Variants in ATRIP observed in about 807,000 individuals in gnomAD.
The protein encoded by ATRIP is ATR-interacting protein.
A neutral mutation model predicts 78.1 loss-of-function variants in ATRIP; 44 were observed. The ratio of observed to expected loss-of-function variants is 0.56; its 90% CI spans 0.44 to 0.72. The LOEUF (loss-of-function observed/expected upper bound fraction) is 0.72. Among genes scored for constraint, ATRIP ranks in the 30% least tolerant of loss-of-function variants. ATRIP has a pLI of 0.00. For synonymous variants in ATRIP, 388 were observed against 408.9 expected (o/e 0.95, Z 0.62); for missense variants, 927 against 980.2 (o/e 0.95, Z 0.72).
At chr3:48,449,437 AG>A (rs2039775959) in intron 1 of ATRIP, among the ~76,000 whole-genome samples, 1 of 149,190 alleles carries the variant, frequency 6.7e-6, no homozygotes, top group Non-Finnish European at 1.5e-5. Flanking sequence ...AAAAAAAAGA[AG>A]GATCATTTAT....
intron 11 of ATRIP, 68 bp from the exon 12 acceptor site, chr3:48,464,763 G>A: frequency 6.2e-7 from 1 of 1,603,116 alleles, no homozygotes; most frequent in Non-Finnish European, 8.5e-7. Flanking sequence ...AGGTGGCTAG[G>A]CTGAGCGGAT....
At chr3:48,455,952 C>G (rs1394340463) in intron 4 of ATRIP, among the ~76,000 whole-genome samples, 1 of 151,980 alleles carries the variant, frequency 6.6e-6, no homozygotes, top group East Asian at 2.0e-4. Flanking sequence ...GAAACCCTGT[C>G]TCTACTGAAA....
chr3:48,447,010 C>CA lies in ATRIP; in HGVS notation c.166dup (p.Thr56AsnfsTer9). On this transcript the variant is annotated frameshift_variant, in exon 1 of 13. Coordinates refer to ENST00000320211, the MANE Select transcript of ATRIP (RefSeq NM_130384.3). LOFTEE classifies it high-confidence loss of function. ...ACCCGTTCGGCGCGCATGGGGACTT[C>CA]ACTGCCGACGACCTGGAGGAGCTTG... 6.3e-7 allele frequency: 1 copy of CA among 1,581,508 alleles called. No homozygotes were observed. The highest frequency in any genetic ancestry group is 1.1e-5 in the South Asian group (1 of 87,564).
In ATRIP at chr3:48,460,167, CCT is replaced by C. The variant is rs2040061511; in HGVS notation, c.1117_1118del (p.Ala374ProfsTer19). ...CAGGTTCTTATGATGGGTCATTTTCCCTCTCAGCCCTGAGAGAAGCACAGAAC... is the reference window on the plus strand; with the variant it reads ...CAGGTTCTTATGATGGGTCATTTTCCCTCAGCCCTGAGAGAAGCACAGAAC... ...TTGSYDGSFS[L>X]SALREAQNLA... On this transcript the variant is annotated frameshift_variant, in exon 8 of 13. Coordinates refer to ENST00000320211, the MANE Select transcript of ATRIP (RefSeq NM_130384.3). LOFTEE classifies it high-confidence loss of function. 1.9e-6 allele frequency: 3 copies of C among 1,613,826 alleles called. No homozygotes were observed. In the African/African-American group the frequency reaches 4.0e-5, roughly 22 times the overall value.
In ATRIP at chr3:48,460,542, A is replaced by G. The variant is rs756948155; in HGVS notation, c.1488A>G (p.Leu496=). 4 of 1,613,848 alleles carry G rather than the reference A, an allele frequency of 2.5e-6. No homozygotes were observed. The African/African-American group carries it at 5.3e-5, about 22-fold the overall frequency. The stretch of plus-strand genomic sequence containing the variant: ...ACAGCGGAGCAGTCGTCTCCCTATT[A>G]CTGTCAGGAGTGGGGGCAGATTCTG... ...VCHSGAVVSL[L]LSGVGADSAA... The change falls in exon 8 of 13, where the codon TTA becomes TTG. Residue 496 remains leucine (L), a synonymous_variant. Transcript: ENST00000320211.
Position 48,463,705 on chromosome 3 carries a change from G to A in ATRIP, c.1746-40G>A, listed in dbSNP as rs150475961. The A allele has an allele frequency of 2.5e-6, 4 of 1,612,422 alleles. No homozygotes were observed. The East Asian group carries it at 6.7e-5, about 27-fold the overall frequency. On this transcript the variant is annotated intron_variant, in intron 8 of 12. Coordinates refer to ENST00000320211, the MANE Select transcript of ATRIP (RefSeq NM_130384.3). ...TGTGAAGGTAGGTTATGGAGCTGGG[G>A]TTGGGGAGTGTCACGTCTCTCTGGG...
chr3:48,466,289 C>T lies in ATRIP; in HGVS notation c.*735C>T. ...AGAGTGTGCAGCCGAGTCACTACTG[C>T]CTGCCTGCCTGCCTGCTACGGTGAG... On this transcript the variant is annotated 3_prime_UTR_variant, in exon 13 of 13. Coordinates refer to ENST00000320211, the MANE Select transcript of ATRIP (RefSeq NM_130384.3). 1 of 650,608 alleles carries T rather than the reference C, an allele frequency of 1.5e-6. No individual in the cohort carries two copies. The allele number at this position is 650,608 out of a possible 1,614,324, so 40.3% of individuals were successfully genotyped here.
intron 1 of ATRIP, chr3:48,447,492 G>C: frequency 1.0e-6 from 1 of 993,732 alleles, no homozygotes; most frequent in Non-Finnish European, 1.2e-6. Flanking sequence ...TCTCCCTTGG[G>C]CAGTGTGAGC....
rs2040041941 is a variant in ATRIP, at chr3:48,459,508, CAGA to C, written c.925+59_925+61del. ...GGCCTGCATGGCTCTGAGTAATATG[CAGA>C]AGAATTGCCCAGGCCTCTGAGAACC... is the stretch of plus-strand genomic sequence containing the variant. On this transcript the variant is annotated intron_variant, in intron 6 of 12. Coordinates refer to ENST00000320211, the MANE Select transcript of ATRIP (RefSeq NM_130384.3). The C allele has an allele frequency of 4.6e-6, 7 of 1,537,238 alleles. No homozygotes were observed. In the South Asian group the frequency reaches 7.8e-5, roughly 17 times the overall value.
chr3:48,464,854 G>T lies in ATRIP; in HGVS notation c.2079G>T (p.Met693Ile). ...AGGTGGTCAGAGCGCTCACGGTGAT[G>T]TTGCACAGACAGTGGCTGACAGTGC... is the stretch of plus-strand genomic sequence containing the variant. ...NVEVVRALTV[M>I]LHRQWLTVRR... is the part of the protein sequence containing the mutation. Residue 693 changes from methionine to isoleucine, a missense_variant, in exon 12 of 13, where the codon ATG becomes ATT. Physicochemically the swap from Met to Ile is conservative, Grantham distance 10 (BLOSUM62 1). Coordinates refer to ENST00000320211, the MANE Select transcript of ATRIP (RefSeq NM_130384.3). 1 of 1,613,098 alleles carries T rather than the reference G, an allele frequency of 6.2e-7. No homozygotes were observed. The highest frequency in any genetic ancestry group is 8.5e-7 in the Non-Finnish European group (1 of 1,179,334).
Position 48,454,309 on chromosome 3 carries a change from T to C in ATRIP, c.562T>C (p.Leu188=), listed in dbSNP as rs2039902385. The C allele has an allele frequency of 6.2e-7, 1 of 1,607,468 alleles. No individual in the cohort carries two copies. Among genetic ancestry groups the C allele is most frequent in the Non-Finnish European group, 8.5e-7 (1 of 1,174,096 alleles). The change falls in exon 4 of 13, where the codon TTG becomes CTG. Residue 188 remains leucine, a synonymous_variant. Transcript: ENST00000320211. The part of the protein sequence containing the change: ...EKEFSKKLQS[L]QSELQFKDAE... Reference sequence around the variant, plus strand: ...TTCTTTTGCCTTCCAGCTCCAATCATTGCAGTCTGAACTCCAGTTTAAAGA... The same window carrying C: ...TTCTTTTGCCTTCCAGCTCCAATCACTGCAGTCTGAACTCCAGTTTAAAGA...
At position 48,460,080 on chromosome 3, in the gene ATRIP, T is replaced by TA. The variant is rs561287676; in HGVS notation, c.1056-28dup. 190 of 1,586,396 alleles carry TA rather than the reference T, an allele frequency of 1.2e-4. 1 individual carries two copies. In the South Asian group the frequency reaches 1.9e-3, roughly 16 times the overall value. On this transcript the variant is annotated intron_variant, in intron 7 of 12. Transcript: ENST00000320211. Reference sequence around the variant, plus strand: ...CTTGACCTTATCTCCATCCCACACTTAATCTATTTTTCTTTGTGTTTGTTG... The same window carrying TA: ...CTTGACCTTATCTCCATCCCACACTTAAATCTATTTTTCTTTGTGTTTGTTG...
chr3:48,454,495 C>A, intron 4 of ATRIP, 77 bp downstream of exon 4: 2 of 1,140,698 alleles, frequency 1.8e-6, no homozygotes, highest in Non-Finnish European at 2.6e-6. Context: ...CAGGCTGGTC[C>A]TAAATGAAGG....
chr3:48,459,285 C>G, intron 5 of ATRIP, 74 bp from the exon 6 acceptor site: 1 of 1,247,912 alleles, frequency 8.0e-7, no homozygotes, highest in South Asian at 1.2e-5. Flanking sequence ...GTTTTAAACT[C>G]ATTGCATGTA....
In ATRIP at chr3:48,466,393, G is replaced by A; in HGVS notation, c.*839G>A. On this transcript the variant is annotated 3_prime_UTR_variant, in exon 13 of 13. Transcript: ENST00000320211. ...CCCAGACTAAGGGGGCACTAGGGGAGGGGCCGAGTCATGTGAAGAGGGAGA... is the reference window on the plus strand; with the variant it reads ...CCCAGACTAAGGGGGCACTAGGGGAAGGGCCGAGTCATGTGAAGAGGGAGA... 1 of 1,555,224 alleles carries A rather than the reference G, an allele frequency of 6.4e-7. No homozygotes were observed. Among genetic ancestry groups the A allele is most frequent in the Non-Finnish European group, 8.8e-7 (1 of 1,134,246 alleles).
intron 2 of ATRIP, among the ~76,000 whole-genome samples, chr3:48,450,969 A>T (rs974574897): frequency 3.4e-5 from 5 of 148,400 alleles, no homozygotes; most frequent in African/African-American, 1.2e-4. Flanking sequence ...CCAGTGGATC[A>T]CCTGAGGTCA....
chr3:48,464,097 G>A lies in ATRIP; in HGVS notation c.1939G>A (p.Ala647Thr). ...CATCACATCACGGCCTGACAGAGTG[G>A]CCTTGGAGACACAATGGCTCCAGCT... Reference protein sequence around the residue: ...MYITSRPDRVALETQWLQLEQ... With the variant: ...MYITSRPDRVTLETQWLQLEQ... The change falls in exon 10 of 13, where the codon GCC becomes ACC. Residue 647 changes from alanine to threonine, a missense_variant. Coordinates refer to ENST00000320211, the MANE Select transcript of ATRIP (RefSeq NM_130384.3). 1 of 1,613,870 alleles carries A rather than the reference G, an allele frequency of 6.2e-7. No homozygotes were observed. Among genetic ancestry groups the A allele is most frequent in the Admixed American group, 1.7e-5 (1 of 60,014 alleles).
intron 4 of ATRIP, 103 bp from the exon 5 acceptor site, chr3:48,457,156 C>A: frequency 1.8e-6 from 2 of 1,136,270 alleles, no homozygotes; most frequent in Non-Finnish European, 1.2e-6. Flanking sequence ...GGTTAAAACA[C>A]CTAGACATGA....
chr3:48,464,793 G>T, intron 11 of ATRIP, 38 bp from the exon 12 acceptor site: 1 of 1,601,874 alleles, frequency 6.2e-7, no homozygotes. Flanking sequence ...GCAGGCCATG[G>T]TGGCACCAGG....
Sources: allele counts gnomAD v4.1 joint callset (sites outside exome capture counted in the v4.1 genomes callset), GRCh38; gene constraint gnomAD v4.1.1; transcripts MANE v1.5; gene names NCBI Gene and HGNC (gene_info 2026-07-23, HGNC 2026-07-21).